The following UPF3A variants were observed in gnomAD, a reference collection of about 807,000 sequenced individuals.
UPF3A encodes the protein UPF3A regulator of nonsense mediated mRNA decay.
UPF3A carries 42 observed loss-of-function variants against 53.5 expected under a neutral mutation model. The observed-to-expected ratio is 0.78, with a 90% CI of 0.61 to 1.01. The LOEUF is 1.01. Among genes scored for constraint, UPF3A ranks in the 50% least tolerant of loss-of-function variants. UPF3A has a pLI of 0.00. For missense variants in UPF3A, 575 were observed against 598.0 expected, an observed-to-expected ratio of 0.96 and a Z score of 0.40; for synonymous variants, 237 against 225.3, an observed-to-expected ratio of 1.05 and a Z score of -0.47.
chr13:114,294,381 G>A (rs967130267), intron 7 of UPF3A, among the ~76,000 whole-genome samples: 6 of 150,962 alleles, frequency 4.0e-5, no homozygotes, highest in Non-Finnish European at 5.9e-5. Flanking sequence ...TGATCCTCCC[G>A]CCTCAGCCTC....
chr13:114,281,695 GC>G lies in UPF3A; in HGVS notation c.59del (p.Pro20ArgfsTer10), dbSNP rs2084019940. The G allele has an allele frequency of 6.5e-7, 1 of 1,542,196 alleles. No homozygotes were observed. On this transcript the variant is annotated frameshift_variant, in exon 1 of 10. Coordinates refer to ENST00000375299, the MANE Select transcript of UPF3A (RefSeq NM_023011.4). LOFTEE classifies it high-confidence loss of function. ...CTTCGGGCGGCCGTTGCCGCGCGGG[GC>G]CCGAGCGGGAGGGAGAAGCTGTCGG... is the stretch of plus-strand genomic sequence containing the variant. ...GGLRAAVAAR[G>X]PSGREKLSAL...
chr13:114,283,826 C>T, intron 3 of UPF3A: 1 of 985,518 alleles, frequency 1.0e-6, no homozygotes, highest in Non-Finnish European at 1.2e-6. Context: ...AGTTTGTATA[C>T]CTTTCACAGC....
intron 1 of UPF3A, 49 bp downstream of exon 1, chr13:114,281,895 T>TGAGTGGAGGGAGTGGAGGGAGGGGAGG: frequency 2.4e-6 from 2 of 833,764 alleles, no homozygotes; most frequent in African/African-American, 5.8e-5. Flanking sequence ...AGGACGGCCC[T>TGAGTGGAGGGAGTGGAGGGAGGGGAGG]GAGTGGAGGG....
chr13:114,289,086 G>A (rs1453271235), intron 5 of UPF3A, among the ~76,000 whole-genome samples: 1 of 152,060 alleles, frequency 6.6e-6, no homozygotes, highest in Non-Finnish European at 1.5e-5. Context: ...AGAGTCTGCT[G>A]CACAGCCAAT....
intron 7 of UPF3A, among the ~76,000 whole-genome samples, chr13:114,292,937 G>T (rs1258921134): frequency 6.6e-6 from 1 of 151,888 alleles, no homozygotes; most frequent in Non-Finnish European, 1.5e-5. Context: ...GCCAGGTGTG[G>T]TGGCGGACGC....
In UPF3A at chr13:114,305,006, A is replaced by G. The variant is rs942116617; in HGVS notation, c.*89A>G. The G allele has an allele frequency of 6.7e-7, 1 of 1,484,254 alleles. No individual in the cohort carries two copies. The highest frequency in any genetic ancestry group is 1.4e-5 in the African/African-American group (1 of 71,208). 91.9% of individuals were successfully genotyped at this position (1,484,254 alleles called of 1,614,324 possible). A position where few individuals can be genotyped will look rare whatever the true frequency, so the allele number is the denominator to read the frequency against. On this transcript the variant is annotated 3_prime_UTR_variant, in exon 10 of 10. Transcript: ENST00000375299. ...CGAGTGTGACTGGGAAGGAGAACTT[A>G]TTCCTTACCAGGAAACTGGAAGCTA...
intron 9 of UPF3A, among the ~76,000 whole-genome samples, chr13:114,304,419 A>G (rs1354742618): frequency 2.6e-5 from 4 of 152,210 alleles, no homozygotes; most frequent in Admixed American, 6.5e-5. Context: ...GATAAGCCCC[A>G]TGGAAATTGC....
chr13:114,299,018 G>A lies in UPF3A; in HGVS notation c.1007+18G>A. 6.3e-7 allele frequency: 1 copy of A among 1,579,110 alleles called. No homozygotes were observed. Among genetic ancestry groups the A allele is most frequent in the Non-Finnish European group, 8.6e-7 (1 of 1,166,002 alleles). On this transcript the variant is annotated intron_variant, in intron 8 of 9. Coordinates refer to ENST00000375299, the MANE Select transcript of UPF3A (RefSeq NM_023011.4). ...CAGGAGACGTGAGCGTGCTTTCATT[G>A]TTATGACCACGTCAGCTCCCAGTCA... is the stretch of plus-strand genomic sequence containing the variant.
chr13:114,292,637 G>T (rs144677961), intron 7 of UPF3A, among the ~76,000 whole-genome samples: 2 of 136,806 alleles, frequency 1.5e-5, no homozygotes, highest in African/African-American at 2.9e-5. Context: ...GGTGTGTTAC[G>T]TGTTCATTTT....
intron 5 of UPF3A, 124 bp downstream of exon 5, chr13:114,286,753 TAG>T: frequency 2.6e-6 from 2 of 755,284 alleles, no homozygotes; most frequent in Non-Finnish European, 4.2e-6. Context: ...GACAGAAATG[TAG>T]AGTGATTTCC....
At chr13:114,282,289 G>GA in intron 2 of UPF3A, 162 bp downstream of exon 2, 1 of 833,412 alleles carries the variant, frequency 1.2e-6, no homozygotes, top group Non-Finnish European at 1.8e-6. Context: ...TTCCGTCAAA[G>GA]AAAAATACCA....
intron 8 of UPF3A, among the ~76,000 whole-genome samples, chr13:114,299,327 CTTTT>C (rs1411224744): frequency 6.6e-6 from 1 of 152,114 alleles, no homozygotes; most frequent in Non-Finnish European, 1.5e-5. Context: ...CCCAGTCTTT[CTTTT>C]TGTTTTTTGT....
intron 3 of UPF3A, chr13:114,283,694 G>C: frequency 1.1e-6 from 1 of 919,882 alleles, no homozygotes; most frequent in Non-Finnish European, 1.3e-6. Flanking sequence ...CTTTGCCTGC[G>C]GAGACAGCAG....
At chr13:114,294,975 G>A (rs552775185) in intron 7 of UPF3A, among the ~76,000 whole-genome samples, 12 of 152,070 alleles carry the variant, frequency 7.9e-5, no homozygotes, top group East Asian at 1.9e-4. Flanking sequence ...AGCTGGGCGT[G>A]GTGGCGGGAG....
chr13:114,281,958 G>C, intron 1 of UPF3A, 63 bp from the exon 2 acceptor site: 4 of 1,458,478 alleles, frequency 2.7e-6, no homozygotes, highest in South Asian at 1.2e-5. Context: ...CGCGGTACGC[G>C]GTGCCTTTTG....
chr13:114,298,818 T>G lies in UPF3A; in HGVS notation c.847-22T>G, dbSNP rs1566765811. The G allele has an allele frequency of 3.3e-6, 5 of 1,533,700 alleles. No homozygotes were observed. The South Asian group carries it at 6.3e-5, about 19-fold the overall frequency. On this transcript the variant is annotated intron_variant, in intron 7 of 9. Transcript: ENST00000375299. ...AAAATATGCTCTCAAGGTGATACTT[T>G]ACTAACATTGTAATTTCTCAGCTTC...
chr13:114,291,610 A>T, intron 6 of UPF3A, 24 bp from the exon 7 acceptor site: 1 of 1,606,782 alleles, frequency 6.2e-7, no homozygotes. Flanking sequence ...GGCAGTTTAT[A>T]CACACGCTCT....
At chr13:114,296,755 C>T (rs912353032) in intron 7 of UPF3A, among the ~76,000 whole-genome samples, 1 of 151,984 alleles carries the variant, frequency 6.6e-6, no homozygotes, top group South Asian at 2.1e-4. Context: ...AACTCCAGGT[C>T]GATGATCTCA....
rs1031151217 is a variant in UPF3A at position 114,282,297 on chromosome 13, C to T, written c.314+170C>T. The T allele has an allele frequency of 4.7e-5, 39 of 837,948 alleles. No individual in the cohort carries two copies. The Admixed American group carries it at 5.2e-4, about 11-fold the overall frequency. 51.9% of individuals were successfully genotyped at this position (837,948 alleles called of 1,614,324 possible). ...GTGTCCGTTCCGTCAAAGAAAAATA[C>T]CACCAACAAAGAAACACAGATGTGG... On this transcript the variant is annotated intron_variant, in intron 2 of 9. Transcript: ENST00000375299.
Sources: gnomAD v4.1 joint callset for allele counts (sites outside exome capture counted in the v4.1 genomes callset) on GRCh38, gnomAD v4.1.1 for gene constraint, MANE v1.5 for transcripts, NCBI Gene and HGNC (gene_info 2026-07-23, HGNC 2026-07-21) for gene names.